ELF3: variants seen among roughly 807,000 people sequenced by gnomAD.
ELF3 encodes the protein E74 like ETS transcription factor 3, also known as ETS-related transcription factor Elf-3.
In ELF3, 18 loss-of-function variants were observed where a neutral mutation model predicts 43.9. The observed-to-expected ratio is 0.41, with a 90% CI of 0.28 to 0.61. ELF3 has a LOEUF of 0.61. ELF3 is among the 20% of genes least tolerant of loss of function. ELF3 has a pLI of 0.30. For missense variants in ELF3, 373 were observed against 487.7 expected (o/e 0.76, Z 2.21); for synonymous variants, 181 against 190.2 (o/e 0.95, Z 0.40).
rs763875439 is a variant in ELF3 at position 202,015,341 on chromosome 1, G to A, written c.*18G>A. The stretch of plus-strand genomic sequence containing the variant: ...GGAACTGAGGGTTGGAACTATACCC[G>A]GGACCAAACTCACGGACCACTCGAG... On this transcript the variant is annotated 3_prime_UTR_variant, in exon 9 of 9. Transcript: ENST00000367284. The A allele has an allele frequency of 4.2e-5, 68 of 1,612,912 alleles. No homozygotes were observed. Among genetic ancestry groups the A allele is most frequent in the Admixed American group, 1.3e-4 (8 of 59,966 alleles).
Position 202,015,534 on chromosome 1 carries a change from C to A in ELF3, c.*211C>A. On this transcript the variant is annotated 3_prime_UTR_variant, in exon 9 of 9. Coordinates refer to ENST00000367284, the MANE Select transcript of ELF3 (RefSeq NM_004433.5). Reference sequence around the variant, plus strand: ...CCCACCCTCCTCTTGGAATTACAAGCCCTGGGGTTTGAAGCTGACTTTATA... The same window carrying A: ...CCCACCCTCCTCTTGGAATTACAAGACCTGGGGTTTGAAGCTGACTTTATA... The A allele has an allele frequency of 1.7e-6, 1 of 572,452 alleles. No individual in the cohort carries two copies. Among genetic ancestry groups the A allele is most frequent in the Non-Finnish European group, 3.1e-6 (1 of 320,598 alleles). The allele number at this position is 572,452 out of a possible 1,614,324, so 35.5% of individuals were successfully genotyped here.
Position 202,013,420 on chromosome 1 carries a change from G to A in ELF3, c.805+122G>A. The stretch of plus-strand genomic sequence containing the variant: ...TGGCCTCCGCATGGCCTTTGGTAAG[G>A]CTGTGCACAAGCTGGGGGCTCTATG... On this transcript the variant is annotated intron_variant, in intron 7 of 8. Transcript: ENST00000367284. The surrounding 1 kb of genome is among the most constrained non-coding windows in gnomAD (Gnocchi z 5.7). 1.0e-6 allele frequency: 1 copy of A among 995,308 alleles called. No homozygotes were observed. The highest frequency in any genetic ancestry group is 1.5e-6 in the Non-Finnish European group (1 of 657,982). The allele number at this position is 995,308 out of a possible 1,614,324, so 61.7% of individuals were successfully genotyped here.
chr1:202,015,109 G>A (rs113516249), intron 8 of ELF3, 100 bp from the exon 9 acceptor site: 2 of 1,162,624 alleles, frequency 1.7e-6, no homozygotes, highest in African/African-American at 1.5e-5. Flanking sequence ...AGACCAGTGG[G>A]CATGGGTTAC....
chr1:202,014,652 G>A (rs1684277534), intron 8 of ELF3, among the ~76,000 whole-genome samples: 1 of 151,788 alleles, frequency 6.6e-6, no homozygotes, highest in Non-Finnish European at 1.5e-5. Flanking sequence ...CTGTCACCCA[G>A]GCTAGAGTGC....
Position 202,015,412 on chromosome 1 carries a change from C to A in ELF3, c.*89C>A. The A allele has an allele frequency of 1.6e-6, 2 of 1,250,222 alleles. No homozygotes were observed. Among genetic ancestry groups the A allele is most frequent in the Non-Finnish European group, 1.1e-6 (1 of 872,476 alleles). The allele number at this position is 1,250,222 out of a possible 1,614,324, so 77.4% of individuals were successfully genotyped here. ...GGACAGGCAGGCCAGATGGCCCCTC[C>A]ACTGGGGAATGCTCCCAGCTGTGCT... is the stretch of plus-strand genomic sequence containing the variant. On this transcript the variant is annotated 3_prime_UTR_variant, in exon 9 of 9. Transcript: ENST00000367284.
rs2102991223 is a variant in ELF3, at chr1:202,011,224, C to T, written c.88C>T (p.Pro30Ser). 1.2e-6 allele frequency: 2 copies of T among 1,613,590 alleles called. No individual in the cohort carries two copies. Among genetic ancestry groups the T allele is most frequent in the Non-Finnish European group, 1.7e-6 (2 of 1,179,732 alleles). Reference protein sequence around the residue: ...SSEDSTLASVPPAATFGADDL... With the variant: ...SSEDSTLASVSPAATFGADDL... ...GGAGGACTCCACCCTGGCCTCTGTT[C>T]CCCCTGCTGCCACCTTTGGGGCCGA... The change falls in exon 2 of 9, where the codon CCC becomes TCC. Residue 30 changes from proline (P) to serine (S), a missense_variant. Pro to Ser is a moderately conservative substitution (Grantham distance 74). Around this residue, in one of 3 missense-constraint regions of ELF3, gnomAD observed 311 missense variants for 351.2 expected, o/e 0.89. Coordinates refer to ENST00000367284, the MANE Select transcript of ELF3 (RefSeq NM_004433.5).
chr1:202,013,703 G>A lies in ELF3; in HGVS notation c.806-126G>A, dbSNP rs533249066. On this transcript the variant is annotated intron_variant, in intron 7 of 8. Coordinates refer to ENST00000367284, the MANE Select transcript of ELF3 (RefSeq NM_004433.5). The surrounding 1 kb of genome is among the most constrained non-coding windows in gnomAD (Gnocchi z 5.7). ...GCAGTACCCGCACAGAGGGCACTGC[G>A]GGGTCTCTGGAGAGGCTTGCTGCAT... 11 of 1,046,858 alleles carry A rather than the reference G, an allele frequency of 1.1e-5. No homozygotes were observed. Among genetic ancestry groups the A allele is most frequent in the Middle Eastern group, 3.1e-4 (1 of 3,218 alleles). The allele number at this position is 1,046,858 out of a possible 1,614,324, so 64.8% of individuals were successfully genotyped here. A position where few individuals can be genotyped will look rare whatever the true frequency, so the allele number is the denominator to read the frequency against.
intron 8 of ELF3, 134 bp from the exon 9 acceptor site, chr1:202,015,075 G>C: frequency 1.3e-6 from 1 of 761,248 alleles, no homozygotes; most frequent in East Asian, 2.7e-5. Flanking sequence ...GGAAGTGTGA[G>C]TCAGGCTCAG....
Position 202,015,333 on chromosome 1 carries a change from C to A in ELF3, c.*10C>A. 2 of 1,613,762 alleles carry A rather than the reference C, an allele frequency of 1.2e-6. No individual in the cohort carries two copies. The highest frequency in any genetic ancestry group is 1.7e-6 in the Non-Finnish European group (2 of 1,179,872). On this transcript the variant is annotated 3_prime_UTR_variant, in exon 9 of 9. Transcript: ENST00000367284. ...CCAGAGTCGGAACTGAGGGTTGGAA[C>A]TATACCCGGGACCAAACTCACGGAC...
At chr1:202,011,761 C>T in intron 2 of ELF3, 196 bp from the exon 3 acceptor site, 1 of 606,090 alleles carries the variant, frequency 1.6e-6, no homozygotes, top group East Asian at 2.8e-5. Flanking sequence ...CCTATAATCC[C>T]AGCTACTGGG....
In ELF3 at chr1:202,012,747, G is replaced by A. The variant is rs370916337; in HGVS notation, c.586G>A (p.Val196Ile). 210 of 1,572,838 alleles carry A rather than the reference G, an allele frequency of 1.3e-4. No individual in the cohort carries two copies. The highest frequency in any genetic ancestry group is 1.7e-4 in the Non-Finnish European group (194 of 1,161,284). Residue 196 changes from valine to isoleucine, a missense_variant, in exon 5 of 9, where the codon GTC (valine) becomes ATC (isoleucine). By Grantham distance (29) the Val-to-Ile change is conservative. This residue lies in a region of ELF3 where 311 missense variants were observed against 351.2 expected (regional missense o/e 0.89). Coordinates refer to ENST00000367284, the MANE Select transcript of ELF3 (RefSeq NM_004433.5). This position sits in a 1 kb window ranked among gnomAD's most constrained non-coding sequence, Gnocchi z 4.2. ...AGAPSPGSSD[V>I]STAGTGASRS... is the part of the protein sequence containing the mutation. ...AGCCCCCTCCCCTGGCAGCTCTGAC[G>A]TCTCCACCGCAGGTGAGAGCTCTCT...
Position 202,011,180 on chromosome 1 carries a change from T to A in ELF3, c.44T>A (p.Phe15Tyr). Residue 15 changes from phenylalanine (F) to tyrosine (Y), a missense_variant, in exon 2 of 9, where the codon TTC (phenylalanine) becomes TAC (tyrosine). Around this residue, in one of 3 missense-constraint regions of ELF3, gnomAD observed 311 missense variants for 351.2 expected, o/e 0.89. Coordinates refer to ENST00000367284, the MANE Select transcript of ELF3 (RefSeq NM_004433.5). The stretch of plus-strand genomic sequence containing the variant: ...ATTAGCAACATTTTTAGCAACTACT[T>A]CAGTGCGATGTACAGCTCGGAGGAC... ...CEISNIFSNYFSAMYSSEDST... is the reference protein window; with the variant it reads ...CEISNIFSNYYSAMYSSEDST... 1 of 1,614,046 alleles carries A rather than the reference T, an allele frequency of 6.2e-7. No homozygotes were observed. Among genetic ancestry groups the A allele is most frequent in the South Asian group, 1.1e-5 (1 of 91,078 alleles).
At position 202,012,610 on chromosome 1, in the gene ELF3, CCT is replaced by C. The variant is rs369472471; in HGVS notation, c.479-25_479-24del. ...CCTGTCCTGGTCTGGTCCCCTGAGCCCTCTCTGAGTTCTCACCTCCTCTTCCC... is the reference window on the plus strand; with the variant it reads ...CCTGTCCTGGTCTGGTCCCCTGAGCCCTCTGAGTTCTCACCTCCTCTTCCC... On this transcript the variant is annotated intron_variant, in intron 4 of 8. Transcript: ENST00000367284. This position sits in a 1 kb window ranked among gnomAD's most constrained non-coding sequence, Gnocchi z 4.2. 6.1e-4 allele frequency: 949 copies of C among 1,559,930 alleles called. 3 individuals are homozygous for C. The African/African-American group carries it at 7.6e-3, about 13-fold the overall frequency.
rs1170734808 is a variant in ELF3 at position 202,017,110 on chromosome 1, T to C, written c.*1787T>C. ...AATCCCATTCATGAGTTTGAAATAC[T>C]GCTCTGTTGTCTTGGAAATACCAAT... On this transcript the variant is annotated 3_prime_UTR_variant, in exon 9 of 9. Transcript: ENST00000367284. The C allele has an allele frequency of 2.0e-5, 3 of 152,216 alleles. No individual in the cohort carries two copies. In the East Asian group the frequency reaches 5.8e-4, roughly 29 times the overall value. 9.4% of individuals were successfully genotyped at this position (152,216 alleles called of 1,614,324 possible).
At position 202,012,678 on chromosome 1, in the gene ELF3, G is replaced by C. The variant is rs773345960; in HGVS notation, c.517G>C (p.Gly173Arg). The stretch of plus-strand genomic sequence containing the variant: ...CTTTGCCCAGGAGCTGCTGGACGAC[G>C]GTCAGCAAGCCAGCCCCTACCACCC... ...SPFAQELLDD[G>R]QQASPYHPGS... Residue 173 changes from glycine (G) to arginine (R), a missense_variant, in exon 5 of 9, where the codon GGT (glycine) becomes CGT (arginine). Around this residue, in one of 3 missense-constraint regions of ELF3, gnomAD observed 311 missense variants for 351.2 expected, o/e 0.89. Coordinates refer to ENST00000367284, the MANE Select transcript of ELF3 (RefSeq NM_004433.5). This position sits in a 1 kb window ranked among gnomAD's most constrained non-coding sequence, Gnocchi z 4.2. 4.4e-6 allele frequency: 7 copies of C among 1,609,190 alleles called. No individual in the cohort carries two copies. The South Asian group carries it at 7.7e-5, about 18-fold the overall frequency.
intron 8 of ELF3, chr1:202,014,821 T>G (rs1684281071): frequency 5.3e-6 from 1 of 187,216 alleles, no homozygotes; most frequent in African/African-American, 2.3e-5. Context: ...TTGGCTAGGC[T>G]GGTCTCGAAC....
rs752734750 is a variant in ELF3 at position 202,012,057 on chromosome 1, C to T, written c.264C>T (p.Ser88=). The T allele has an allele frequency of 6.2e-5, 100 of 1,614,086 alleles. 1 individual carries two copies. In the South Asian group the frequency reaches 1.0e-3, roughly 16 times the overall value. ...YQVEKNKYDA[S]AIDFSRCDMD... ...TGGAGAAGAACAAGTACGACGCAAGCGCCATTGACTTCTCACGATGTGACA... is the reference window on the plus strand; with the variant it reads ...TGGAGAAGAACAAGTACGACGCAAGTGCCATTGACTTCTCACGATGTGACA... Residue 88 remains serine (S), a synonymous_variant, in exon 3 of 9, where the codon AGC becomes AGT. Coordinates refer to ENST00000367284, the MANE Select transcript of ELF3 (RefSeq NM_004433.5). The surrounding 1 kb of genome is among the most constrained non-coding windows in gnomAD (Gnocchi z 4.2).
At chr1:202,015,166 A>G in intron 8 of ELF3, 43 bp from the exon 9 acceptor site, 4 of 1,609,050 alleles carry the variant, frequency 2.5e-6, no homozygotes, top group Non-Finnish European at 3.4e-6. Flanking sequence ...CCTGGGGCCC[A>G]TTTCCTGCCA....
chr1:202,012,816 T>G lies in ELF3; in HGVS notation c.598+57T>G. On this transcript the variant is annotated intron_variant, in intron 5 of 8. Coordinates refer to ENST00000367284, the MANE Select transcript of ELF3 (RefSeq NM_004433.5). The surrounding 1 kb of genome is among the most constrained non-coding windows in gnomAD (Gnocchi z 4.2). ...TCCCCGAAGTGTCCCTTGTTCCCTC[T>G]GGCTCCCAGCACCATAACTCAGGCC... The G allele has an allele frequency of 6.5e-7, 1 of 1,537,392 alleles. No homozygotes were observed. Among genetic ancestry groups the G allele is most frequent in the Non-Finnish European group, 8.8e-7 (1 of 1,142,360 alleles).
Sources: gnomAD v4.1 joint callset for allele counts (sites outside exome capture counted in the v4.1 genomes callset) on GRCh38, gnomAD v4.1.1 for gene constraint, gnomAD v4.1.1 regional missense constraint, Gnocchi (gnomAD v3.1) non-coding constraint, MANE v1.5 for transcripts, NCBI Gene and HGNC (gene_info 2026-07-23, HGNC 2026-07-21) for gene names.